TRABD2B: variants seen among roughly 807,000 people sequenced by gnomAD.
TRABD2B encodes the protein metalloprotease TIKI2.
A neutral mutation model predicts 40.1 loss-of-function variants in TRABD2B; 14 were observed. The observed-to-expected ratio is 0.35, with a 90% CI of 0.23 to 0.55. The LOEUF (loss-of-function observed/expected upper bound fraction) is 0.55. Ranked by LOEUF, TRABD2B falls within the 20% of genes least tolerant of loss-of-function variation. The pLI, the probability that TRABD2B is intolerant of heterozygous loss-of-function variation, is 0.90. For missense variants in TRABD2B, 541 were observed against 648.6 expected (o/e 0.83, Z 1.80); for synonymous variants, 263 against 277.0 (o/e 0.95, Z 0.50).
At chr1:47,952,454 G>A (rs1305284096) in intron 2 of TRABD2B, among the ~76,000 whole-genome samples, 1 of 152,146 alleles carries the variant, frequency 6.6e-6, no homozygotes, top group Non-Finnish European at 1.5e-5. Context: ...GCCCACAATG[G>A]CCACAAACAG....
intron 2 of TRABD2B, among the ~76,000 whole-genome samples, chr1:47,880,895 G>T (rs1183227689): frequency 6.6e-6 from 1 of 152,198 alleles, no homozygotes; most frequent in Admixed American, 6.5e-5. Flanking sequence ...AGAACTAGAG[G>T]GTACTGTTCA....
intron 2 of TRABD2B, among the ~76,000 whole-genome samples, chr1:47,885,857 T>G (rs1644364054): frequency 6.6e-6 from 1 of 152,228 alleles, no homozygotes; most frequent in Non-Finnish European, 1.5e-5. Context: ...ATGTCCACAT[T>G]GCTTGCTGAT....
At chr1:47,978,949 A>G (rs1570406493) in intron 2 of TRABD2B, among the ~76,000 whole-genome samples, 1 of 152,162 alleles carries the variant, frequency 6.6e-6, no homozygotes, top group Admixed American at 6.5e-5. Context: ...CTCCAGTCCA[A>G]GGAGAAGCAG....
intron 2 of TRABD2B, among the ~76,000 whole-genome samples, chr1:47,956,361 G>A (rs575008620): frequency 2.2e-4 from 34 of 152,254 alleles, no homozygotes; most frequent in Non-Finnish European, 3.1e-4. Flanking sequence ...GGGGCTTGTC[G>A]GACAGTGGGT....
chr1:47,769,818 G>A (rs1045049596), intron 6 of TRABD2B, among the ~76,000 whole-genome samples: 5 of 152,194 alleles, frequency 3.3e-5, no homozygotes, highest in African/African-American at 1.2e-4. Context: ...TGCGTTCCTG[G>A]CTTGCTGTGT....
At chr1:47,868,168 GA>G in intron 2 of TRABD2B, among the ~76,000 whole-genome samples, 1 of 152,352 alleles carries the variant, frequency 6.6e-6, no homozygotes, top group East Asian at 1.9e-4. Flanking sequence ...TTGGTGTCTA[GA>G]GGGACAGGAT....
chr1:47,993,064 T>C (rs1384109631), intron 2 of TRABD2B, among the ~76,000 whole-genome samples: 3 of 152,248 alleles, frequency 2.0e-5, no homozygotes, highest in Non-Finnish European at 4.4e-5. Flanking sequence ...AATGGTAGTT[T>C]CTGGTCCAGC....
intron 2 of TRABD2B, among the ~76,000 whole-genome samples, chr1:47,864,267 T>A (rs1029713091): frequency 3.3e-5 from 5 of 151,880 alleles, no homozygotes; most frequent in Admixed American, 2.0e-4. Context: ...GGGTGATGTG[T>A]CAATGAGCTT....
rs1224471976 is a variant in TRABD2B at position 47,764,465 on chromosome 1, C to A, written c.*1437G>T. The stretch of plus-strand genomic sequence containing the variant: ...CCTTGAGGAGCCGAGGGGCTAAAGT[C>A]TCTCGGAGTCCCTGTCACCTGCCTC... On this transcript the variant is annotated 3_prime_UTR_variant, in exon 7 of 7. Transcript: ENST00000606738. The A allele has an allele frequency of 6.6e-6, 1 of 152,246 alleles. No homozygotes were observed. The highest frequency in any genetic ancestry group is 2.4e-5 in the African/African-American group (1 of 41,442). 9.4% of individuals were successfully genotyped at this position (152,246 alleles called of 1,614,324 possible).
intron 2 of TRABD2B, among the ~76,000 whole-genome samples, chr1:47,975,500 A>C (rs1645743028): frequency 6.6e-6 from 1 of 152,198 alleles, no homozygotes; most frequent in African/African-American, 2.4e-5. Context: ...GAAACATTGT[A>C]AAGGCAGACA....
intron 2 of TRABD2B, among the ~76,000 whole-genome samples, chr1:47,869,073 A>T (rs944080757): frequency 7.2e-5 from 11 of 151,956 alleles, no homozygotes; most frequent in African/African-American, 2.7e-4. Flanking sequence ...CCCCAAATGA[A>T]TTATGCTCAT....
At chr1:47,993,167 G>C (rs1352448445) in intron 2 of TRABD2B, among the ~76,000 whole-genome samples, 1 of 152,136 alleles carries the variant, frequency 6.6e-6, no homozygotes, top group Non-Finnish European at 1.5e-5. Flanking sequence ...GGGCCTCCTT[G>C]AAGGAGTCCC....
rs945757058 is a variant in TRABD2B, at chr1:47,762,481, A to C, written c.*3421T>G. On this transcript the variant is annotated 3_prime_UTR_variant, in exon 7 of 7. Coordinates refer to ENST00000606738, the MANE Select transcript of TRABD2B (RefSeq NM_001194986.2). ...GGACTTTCCCTCCTCTTTGGGATCC[A>C]CTGTGACAATGGCCCTGGGCTGGAG... 51 of 152,168 alleles carry C rather than the reference A, an allele frequency of 3.4e-4. No individual in the cohort carries two copies. Among genetic ancestry groups the C allele is most frequent in the African/African-American group, 1.2e-3 (48 of 41,428 alleles). 9.4% of individuals were successfully genotyped at this position (152,168 alleles called of 1,614,324 possible). A position where few individuals can be genotyped will look rare whatever the true frequency, so the allele number is the denominator to read the frequency against.
intron 2 of TRABD2B, among the ~76,000 whole-genome samples, chr1:47,885,200 T>C (rs1644354750): frequency 1.3e-5 from 2 of 152,318 alleles, no homozygotes; most frequent in Non-Finnish European, 1.5e-5. Context: ...GCACATGCCA[T>C]TGCCTGTACC....
At chr1:47,976,935 C>T (rs529380118) in intron 2 of TRABD2B, among the ~76,000 whole-genome samples, 1 of 152,202 alleles carries the variant, frequency 6.6e-6, no homozygotes, top group African/African-American at 2.4e-5. Context: ...AACTATAGTA[C>T]AATATCAAAA....
intron 6 of TRABD2B, among the ~76,000 whole-genome samples, chr1:47,767,063 C>CAG (rs1440144505): frequency 2.6e-5 from 4 of 152,080 alleles, no homozygotes; most frequent in African/African-American, 4.8e-5. Flanking sequence ...AATGGACAGG[C>CAG]AGAGAGAGAC....
At chr1:47,842,715 A>G (rs1032983510) in intron 2 of TRABD2B, among the ~76,000 whole-genome samples, 4 of 152,176 alleles carry the variant, frequency 2.6e-5, no homozygotes, top group African/African-American at 9.7e-5. Context: ...ATTCCTATGG[A>G]TGCGTCTGCC....
At chr1:47,858,180 A>C (rs1435285297) in intron 2 of TRABD2B, among the ~76,000 whole-genome samples, 1 of 151,596 alleles carries the variant, frequency 6.6e-6, no homozygotes, top group African/African-American at 2.4e-5. Flanking sequence ...GGGCAACTAC[A>C]ATAGTCATTC....
intron 2 of TRABD2B, among the ~76,000 whole-genome samples, chr1:47,891,120 T>C (rs190110467): frequency 1.8e-3 from 280 of 152,352 alleles, no homozygotes; most frequent in African/African-American, 6.1e-3. Context: ...AACTGAATTA[T>C]TATTACAAGT....
Sources: gnomAD v4.1 joint callset for allele counts (sites outside exome capture counted in the v4.1 genomes callset) on GRCh38, gnomAD v4.1.1 for gene constraint, MANE v1.5 for transcripts, NCBI Gene and HGNC (gene_info 2026-07-23, HGNC 2026-07-21) for gene names.